Variants in BASP1 observed in about 807,000 individuals in gnomAD.
BASP1 encodes brain abundant membrane attached signal protein 1.
BASP1 carries 1 observed loss-of-function variant against 2.2 expected under a neutral mutation model. That is an observed-to-expected ratio of 0.46 (90% CI 0.16 to 2.17). BASP1 has a LOEUF of 2.17. Among genes scored for constraint, BASP1 ranks in the 30% most tolerant of loss-of-function variants. The pLI, the probability that BASP1 is intolerant of heterozygous loss-of-function variation, is 0.27. For missense variants in BASP1, 352 were observed against 327.2 expected, an observed-to-expected ratio of 1.08 and a Z score of -0.58; for synonymous variants, 187 against 154.2, an observed-to-expected ratio of 1.21 and a Z score of -1.58.
chr5:17,250,232 C>T (rs549319669), intron 1 of BASP1, among the ~76,000 whole-genome samples: 1 of 152,170 alleles, frequency 6.6e-6, no homozygotes, highest in Non-Finnish European at 1.5e-5. Context: ...TAGGCGTGAG[C>T]CACCGCGCCC....
intron 1 of BASP1, among the ~76,000 whole-genome samples, chr5:17,274,910 G>T (rs146251909): frequency 2.0e-5 from 3 of 152,104 alleles, no homozygotes; most frequent in Admixed American, 2.0e-4. Context: ...ACACCTGTGG[G>T]CCCAGCTGTG....
At chr5:17,246,204 G>A (rs1008420844) in intron 1 of BASP1, among the ~76,000 whole-genome samples, 8 of 152,060 alleles carry the variant, frequency 5.3e-5, no homozygotes, top group Admixed American at 1.3e-4. Context: ...AGACCTGGCC[G>A]GGCGCGGTGG....
At chr5:17,228,553 C>T (rs1739564791) in intron 1 of BASP1, among the ~76,000 whole-genome samples, 2 of 152,332 alleles carry the variant, frequency 1.3e-5, no homozygotes, top group South Asian at 2.1e-4. Context: ...TCACCCCAAA[C>T]CCGTGTTAAT....
At chr5:17,252,993 A>G (rs1015703225) in intron 1 of BASP1, among the ~76,000 whole-genome samples, 3 of 152,230 alleles carry the variant, frequency 2.0e-5, no homozygotes, top group Non-Finnish European at 4.4e-5. Flanking sequence ...ATGAATGGCC[A>G]TGGCTGTGTT....
At chr5:17,243,853 C>A (rs1468452625) in intron 1 of BASP1, among the ~76,000 whole-genome samples, 1 of 152,174 alleles carries the variant, frequency 6.6e-6, no homozygotes, top group East Asian at 1.9e-4. Flanking sequence ...TGTCCACTGC[C>A]AGCAGAAAAC....
At chr5:17,235,873 C>T (rs193093326) in intron 1 of BASP1, among the ~76,000 whole-genome samples, 15 of 152,270 alleles carry the variant, frequency 9.9e-5, no homozygotes, top group African/African-American at 3.4e-4. Flanking sequence ...AGGAACTCTG[C>T]CTGATTTTTG....
intron 1 of BASP1, among the ~76,000 whole-genome samples, chr5:17,266,530 G>A (rs1237978897): frequency 1.3e-5 from 2 of 152,080 alleles, no homozygotes; most frequent in Non-Finnish European, 2.9e-5. Context: ...TCTGGGGTGG[G>A]GCATGGTGGC....
Position 17,251,135 on chromosome 5 carries a change from T to C in BASP1, c.-9-24073T>C, listed in dbSNP as rs1435703569. ...TTTCAGATATCCAAAATACCCTGAT[T>C]TTATCATTACACATTGTATACAAAT... is the stretch of plus-strand genomic sequence containing the variant. On this transcript the variant is annotated intron_variant, in intron 1 of 1. Coordinates refer to ENST00000322611, the MANE Select transcript of BASP1 (RefSeq NM_006317.5). The surrounding 1 kb of genome is among the most constrained non-coding windows in gnomAD (Gnocchi z 4.0). Among the ~76,000 whole-genome samples, 1 of 152,196 alleles carries C rather than the reference T, an allele frequency of 6.6e-6. No homozygotes were observed. Among genetic ancestry groups the C allele is most frequent in the Non-Finnish European group, 1.5e-5 (1 of 68,038 alleles).
Position 17,276,115 on chromosome 5 carries a change from G to T in BASP1, c.*215G>T. On this transcript the variant is annotated 3_prime_UTR_variant, in exon 2 of 2. Transcript: ENST00000322611. ...GTTGTCCCATCAAGGGAGGGAGGGG[G>T]TGGGAGAATCCAAATAGTATTTTTG... The T allele has an allele frequency of 2.8e-6, 1 of 356,436 alleles. No individual in the cohort carries two copies. The highest frequency in any genetic ancestry group is 4.5e-5 in the East Asian group (1 of 22,202). 22.1% of individuals were successfully genotyped at this position (356,436 alleles called of 1,614,324 possible).
intron 1 of BASP1, among the ~76,000 whole-genome samples, chr5:17,274,773 A>G (rs1198482865): frequency 6.6e-6 from 1 of 152,226 alleles, no homozygotes; most frequent in East Asian, 1.9e-4. Context: ...AAACTCATTT[A>G]AAATTATTGC....
intron 1 of BASP1, among the ~76,000 whole-genome samples, chr5:17,240,437 G>A (rs1305361299): frequency 1.3e-5 from 2 of 152,202 alleles, no homozygotes; most frequent in East Asian, 3.9e-4. Context: ...TCAGGAGGCT[G>A]AGGCAGGAGA....
At chr5:17,233,212 C>G (rs1457907512) in intron 1 of BASP1, among the ~76,000 whole-genome samples, 1 of 152,182 alleles carries the variant, frequency 6.6e-6, no homozygotes, top group African/African-American at 2.4e-5. Flanking sequence ...TCTTTATTGT[C>G]TATACCTGTG....
chr5:17,253,729 A>G (rs965696410), intron 1 of BASP1, among the ~76,000 whole-genome samples: 1 of 152,170 alleles, frequency 6.6e-6, no homozygotes, highest in Non-Finnish European at 1.5e-5. Flanking sequence ...TGAGAAGTTT[A>G]TGTTGCTTTG....
chr5:17,261,690 CTT>C (rs563083504), intron 1 of BASP1, among the ~76,000 whole-genome samples: 28 of 152,250 alleles, frequency 1.8e-4, no homozygotes, highest in Non-Finnish European at 1.8e-4. Context: ...TCTCCCAGAA[CTT>C]TGCGCTGTCA....
intron 1 of BASP1, among the ~76,000 whole-genome samples, chr5:17,248,008 C>T (rs1740029198): frequency 6.6e-6 from 1 of 152,168 alleles, no homozygotes; most frequent in Admixed American, 6.6e-5. Context: ...AGGGTCATCC[C>T]TCCCCTCTCT....
intron 1 of BASP1, among the ~76,000 whole-genome samples, chr5:17,229,150 C>T (rs975871079): frequency 2.6e-5 from 4 of 152,190 alleles, no homozygotes; most frequent in African/African-American, 9.6e-5. Flanking sequence ...AGGACACTAA[C>T]GTGCACTGTG....
chr5:17,276,497 A>C lies in BASP1; in HGVS notation c.*597A>C, dbSNP rs1321011405. ...ACATGGATCTCAATGCCAATCCTCC[A>C]TTCTTCCTCTCCAGATATTTTTGGG... On this transcript the variant is annotated 3_prime_UTR_variant, in exon 2 of 2. Coordinates refer to ENST00000322611, the MANE Select transcript of BASP1 (RefSeq NM_006317.5). 1 of 167,038 alleles carries C rather than the reference A, an allele frequency of 6.0e-6. No individual in the cohort carries two copies. Among genetic ancestry groups the C allele is most frequent in the Non-Finnish European group, 1.5e-5 (1 of 68,128 alleles). 10.3% of individuals were successfully genotyped at this position (167,038 alleles called of 1,614,324 possible).
At chr5:17,246,490 T>A (rs1367365959) in intron 1 of BASP1, among the ~76,000 whole-genome samples, 1 of 151,954 alleles carries the variant, frequency 6.6e-6, no homozygotes, top group East Asian at 1.9e-4. Flanking sequence ...TGTGTCTCAA[T>A]AAATAAATAA....
chr5:17,248,049 C>G (rs1408458672), intron 1 of BASP1, among the ~76,000 whole-genome samples: 1 of 152,188 alleles, frequency 6.6e-6, no homozygotes, highest in Non-Finnish European at 1.5e-5. Flanking sequence ...TCATCATTTC[C>G]ATTCAAACAC....
Sources: gnomAD v4.1 joint callset for allele counts (sites outside exome capture counted in the v4.1 genomes callset) on GRCh38, gnomAD v4.1.1 for gene constraint, Gnocchi (gnomAD v3.1) non-coding constraint, MANE v1.5 for transcripts, NCBI Gene and HGNC (gene_info 2026-07-23, HGNC 2026-07-21) for gene names.